The following ABCC3 variants were observed in gnomAD, a reference collection of about 807,000 sequenced individuals.
ABCC3 encodes the protein ATP binding cassette subfamily C member 3.
Under a neutral mutation model 165.3 loss-of-function variants are expected in ABCC3, and 121 were observed. The ratio of observed to expected loss-of-function variants is 0.73; its 90% confidence interval spans 0.63 to 0.85. The LOEUF is 0.85. ABCC3 is among the 40% of genes least tolerant of loss of function. The pLI is 0.00. For synonymous variants in ABCC3, 733 were observed against 810.1 expected (o/e 0.90, Z 1.62); for missense variants, 1,869 against 1,964.1 (o/e 0.95, Z 0.92).
rs377591319 is a variant in ABCC3 at position 50,659,217 on chromosome 17, C to T, written c.675-20C>T. On this transcript the variant is annotated intron_variant, in intron 6 of 30. Transcript: ENST00000285238. ...CCTGACCCTCTGCGGGGCTGCCTGCCGGGCTTCACCTCCCCCCAGGATGGC... is the reference window on the plus strand; with the variant it reads ...CCTGACCCTCTGCGGGGCTGCCTGCTGGGCTTCACCTCCCCCCAGGATGGC... The T allele has an allele frequency of 1.3e-5, 21 of 1,612,270 alleles. No homozygotes were observed. Among genetic ancestry groups the T allele is most frequent in the South Asian group, 6.6e-5 (6 of 90,966 alleles).
At chr17:50,690,320 G>C (rs929904078) in intron 30 of ABCC3, among the ~76,000 whole-genome samples, 1 of 150,178 alleles carries the variant, frequency 6.7e-6, no homozygotes, top group Non-Finnish European at 1.5e-5. Flanking sequence ...TGATTTTGGA[G>C]TCAGGGTTGG....
At chr17:50,644,310 CAAAAAAA>C (rs57937379) in intron 1 of ABCC3, among the ~76,000 whole-genome samples, 3 of 51,282 alleles carry the variant, frequency 5.9e-5, no homozygotes, top group Non-Finnish European at 1.0e-4. Flanking sequence ...GACTCCGTCT[CAAAAAAA>C]AAAAAAAAAA....
Position 50,665,183 on chromosome 17 carries a change from G to T in ABCC3, c.1369G>T (p.Ala457Ser). The T allele has an allele frequency of 6.2e-7, 1 of 1,614,090 alleles. No homozygotes were observed. The highest frequency in any genetic ancestry group is 8.5e-7 in the Non-Finnish European group (1 of 1,179,992). ...AGGTCCCTCTGTCCTGGCTGGAGTC[G>T]CTTTCATGGTCTTGCTGATTCCACT... ...NLGPSVLAGV[A>S]FMVLLIPLNG... Residue 457 changes from alanine to serine, a missense_variant, in exon 11 of 31, where the codon GCT becomes TCT. By Grantham distance (99) the Ala-to-Ser change is moderately conservative. Coordinates refer to ENST00000285238, the MANE Select transcript of ABCC3 (RefSeq NM_003786.4).
chr17:50,659,450 G>A, intron 7 of ABCC3, 82 bp downstream of exon 7: 1 of 1,494,558 alleles, frequency 6.7e-7, no homozygotes, highest in Non-Finnish European at 9.0e-7. Flanking sequence ...GACCTTGGAG[G>A]GCGGCATTGC....
At chr17:50,651,360 A>C (rs1288750387) in intron 1 of ABCC3, among the ~76,000 whole-genome samples, 1 of 152,198 alleles carries the variant, frequency 6.6e-6, no homozygotes, top group African/African-American at 2.4e-5. Flanking sequence ...GTGAGGCCTG[A>C]AAACTAAATT....
Position 50,677,886 on chromosome 17 carries a change from G to T in ABCC3, c.3521G>T (p.Ser1174Ile). The T allele has an allele frequency of 6.2e-7, 1 of 1,614,192 alleles. No homozygotes were observed. The highest frequency in any genetic ancestry group is 8.5e-7 in the Non-Finnish European group (1 of 1,180,032). Residue 1174 changes from serine to isoleucine, a missense_variant, in exon 24 of 31, where the codon AGT becomes ATT. Ser to Ile is a moderately radical substitution (Grantham distance 142). Transcript: ENST00000285238. ...CGCAGCCGGGATTTTGAGATCATCA[G>T]TGATACTAAGGTGGATGCCAACCAG... ...YNRSRDFEII[S>I]DTKVDANQRS...
rs1350623568 is a variant in ABCC3, at chr17:50,673,090, G to A, written c.2361G>A (p.Lys787=). The A allele has an allele frequency of 6.2e-7, 1 of 1,614,148 alleles. No homozygotes were observed. Among genetic ancestry groups the A allele is most frequent in the South Asian group, 1.1e-5 (1 of 91,088 alleles). The change falls in exon 18 of 31, where the codon AAG becomes AAA. Residue 787 remains lysine, a synonymous_variant. Coordinates refer to ENST00000285238, the MANE Select transcript of ABCC3 (RefSeq NM_003786.4). The part of the protein sequence containing the change: ...PLSAVDSHVA[K]HIFDHVIGPE... ...CCGCGGTGGACTCTCATGTGGCCAA[G>A]CACATCTTTGACCACGTCATCGGGC...
intron 1 of ABCC3, among the ~76,000 whole-genome samples, chr17:50,638,940 C>T (rs1233259831): frequency 2.6e-5 from 4 of 152,256 alleles, no homozygotes; most frequent in East Asian, 1.9e-4. Flanking sequence ...GGCTTGGGGG[C>T]GAAGGCTATG....
chr17:50,682,425 T>TAA (rs376272357), intron 26 of ABCC3, among the ~76,000 whole-genome samples: 2 of 141,364 alleles, frequency 1.4e-5, no homozygotes, highest in African/African-American at 2.6e-5. Flanking sequence ...TAATCAGAGT[T>TAA]AAAAAAAAAA....
intron 4 of ABCC3, 58 bp downstream of exon 4, chr17:50,657,241 A>C: frequency 6.3e-7 from 1 of 1,586,742 alleles, no homozygotes; most frequent in Non-Finnish European, 8.6e-7. Context: ...GGGTGACCTC[A>C]GGGTTCAAAG....
chr17:50,673,960 CTTTCTTTCTTTCTTTCTT>C (rs1967717619), intron 19 of ABCC3, among the ~76,000 whole-genome samples: 3 of 21,360 alleles, frequency 1.4e-4, no homozygotes, highest in African/African-American at 4.4e-4. Flanking sequence ...TTCTTTCTTT[CTTTCTTTCTTTCTTTCTT>C]TCTCTCTCTC....
At position 50,676,641 on chromosome 17, in the gene ABCC3, A is replaced by G. The variant is rs1379139771; in HGVS notation, c.3378+53A>G. ...GGCGTGGTGTTATTGGGGCGGGGCA[A>G]CACATGGGCGGGGGCAGCAGGGGTG... On this transcript the variant is annotated intron_variant, in intron 23 of 30. Coordinates refer to ENST00000285238, the MANE Select transcript of ABCC3 (RefSeq NM_003786.4). 7.9e-6 allele frequency: 11 copies of G among 1,394,716 alleles called. No homozygotes were observed. The East Asian group carries it at 2.6e-4, about 33-fold the overall frequency. The allele number at this position is 1,394,716 out of a possible 1,614,324, so 86.4% of individuals were successfully genotyped here.
chr17:50,680,499 A>C (rs1307991498), intron 26 of ABCC3, among the ~76,000 whole-genome samples: 1 of 152,102 alleles, frequency 6.6e-6, no homozygotes, highest in East Asian at 1.9e-4. Context: ...TCTTTGGCCC[A>C]CGCTCCTATC....
At position 50,669,193 on chromosome 17, in the gene ABCC3, G is replaced by T. The variant is rs1398179974; in HGVS notation, c.1991G>T (p.Gly664Val). Reference protein sequence around the residue: ...GALVAVVGPVGCGKSSLVSAL... With the variant: ...GALVAVVGPVVCGKSSLVSAL... ...CTGGTGGCCGTGGTGGGGCCTGTGGGCTGTGGGAAGTCCTCCCTGGTGTCT... is the reference window on the plus strand; with the variant it reads ...CTGGTGGCCGTGGTGGGGCCTGTGGTCTGTGGGAAGTCCTCCCTGGTGTCT... The change falls in exon 16 of 31, where the codon GGC (glycine) becomes GTC (valine). Residue 664 changes from glycine (G) to valine (V), a missense_variant. Coordinates refer to ENST00000285238, the MANE Select transcript of ABCC3 (RefSeq NM_003786.4). 3 of 1,610,174 alleles carry T rather than the reference G, an allele frequency of 1.9e-6. No homozygotes were observed. The South Asian group carries it at 3.3e-5, about 18-fold the overall frequency.
At chr17:50,642,961 C>T (rs1390790241) in intron 1 of ABCC3, among the ~76,000 whole-genome samples, 1 of 152,276 alleles carries the variant, frequency 6.6e-6, no homozygotes, top group Non-Finnish European at 1.5e-5. Context: ...CTTTTGTACA[C>T]TGGGCCTAAC....
intron 18 of ABCC3, 45 bp from the exon 19 acceptor site, chr17:50,673,424 G>A (rs1967691859): frequency 6.3e-7 from 1 of 1,597,032 alleles, no homozygotes; most frequent in Non-Finnish European, 8.5e-7. Flanking sequence ...TGCCAGGGGT[G>A]TGCTGGAGGG....
intron 25 of ABCC3, chr17:50,679,533 G>T: frequency 3.8e-6 from 1 of 264,834 alleles, no homozygotes; most frequent in South Asian, 1.3e-4. Flanking sequence ...AGATTCTCTG[G>T]GAAGTCTTAT....
At chr17:50,636,571 T>G (rs1017279283) in intron 1 of ABCC3, among the ~76,000 whole-genome samples, 1 of 152,200 alleles carries the variant, frequency 6.6e-6, no homozygotes, top group Admixed American at 6.5e-5. Flanking sequence ...GCACACTTCC[T>G]TTCACTGCCC....
rs767412925 is a variant in ABCC3 at position 50,667,892 on chromosome 17, G to A, written c.1665G>A (p.Val555=). The stretch of plus-strand genomic sequence containing the variant: ...CCCTGATCACCCTCTGGGTGTACGT[G>A]TACGTGGACCCAAACAATGTGCTGG... ...LVTLITLWVY[V]YVDPNNVLDA... is the part of the protein sequence containing the mutation. Residue 555 remains valine (V), a synonymous_variant, in exon 13 of 31, where the codon GTG becomes GTA. Transcript: ENST00000285238. 31 of 1,614,092 alleles carry A rather than the reference G, an allele frequency of 1.9e-5. No individual in the cohort carries two copies. Among genetic ancestry groups the A allele is most frequent in the Non-Finnish European group, 2.4e-5 (28 of 1,179,958 alleles).
Sources: allele counts gnomAD v4.1 joint callset (sites outside exome capture counted in the v4.1 genomes callset), GRCh38; gene constraint gnomAD v4.1.1; transcripts MANE v1.5; gene names NCBI Gene and HGNC (gene_info 2026-07-23, HGNC 2026-07-21).